The following FLRT2 variants were observed in gnomAD, a reference collection of about 807,000 sequenced individuals.
The protein encoded by FLRT2 is fibronectin leucine rich transmembrane protein 2, also known as leucine-rich repeat transmembrane protein FLRT2.
A neutral mutation model predicts 40.0 loss-of-function variants in FLRT2; 15 were observed. The ratio of observed to expected loss-of-function variants is 0.38; its 90% CI spans 0.25 to 0.58. The LOEUF is 0.58. Ranked by LOEUF, FLRT2 falls within the 20% of genes least tolerant of loss-of-function variation. FLRT2 has a pLI of 0.71. For synonymous variants in FLRT2, 380 were observed against 336.8 expected, an observed-to-expected ratio of 1.13 and a Z score of -1.41; for missense variants, 726 against 840.0, an observed-to-expected ratio of 0.86 and a Z score of 1.68.
chr14:85,625,051 G>A lies in FLRT2; in HGVS notation c.*1554G>A, dbSNP rs189922752. On this transcript the variant is annotated 3_prime_UTR_variant, in exon 2 of 2. Transcript: ENST00000330753. ...TCCCCTAATCCTGGCAGAGCAGGGC[G>A]TAGAAAAGAGAGGATGTCCGTGCTT... is the stretch of plus-strand genomic sequence containing the variant. 1.4e-4 allele frequency: 24 copies of A among 167,142 alleles called. No homozygotes were observed. The highest frequency in any genetic ancestry group is 8.8e-5 in the Non-Finnish European group (6 of 68,108). The allele number at this position is 167,142 out of a possible 1,614,324, so 10.4% of individuals were successfully genotyped here. A position where few individuals can be genotyped will look rare whatever the true frequency, so the allele number is the denominator to read the frequency against.
chr14:85,627,552 T>A lies in FLRT2; in HGVS notation c.*4055T>A, dbSNP rs1893738552. 6.0e-6 allele frequency: 1 copy of A among 166,020 alleles called. No homozygotes were observed. Among genetic ancestry groups the A allele is most frequent in the Admixed American group, 6.6e-5 (1 of 15,110 alleles). 10.3% of individuals were successfully genotyped at this position (166,020 alleles called of 1,614,324 possible). A position where few individuals can be genotyped will look rare whatever the true frequency, so the allele number is the denominator to read the frequency against. On this transcript the variant is annotated 3_prime_UTR_variant, in exon 2 of 2. Coordinates refer to ENST00000330753, the MANE Select transcript of FLRT2 (RefSeq NM_013231.6). ...GGCCATTGCAACAGGCATTTAAAAA[T>A]TATTATCAAACATGCACATGCTTGT...
chr14:85,601,071 C>T (rs1892359904), intron 1 of FLRT2, among the ~76,000 whole-genome samples: 1 of 152,100 alleles, frequency 6.6e-6, no homozygotes, highest in Non-Finnish European at 1.5e-5. Flanking sequence ...ATGAGGGGCA[C>T]AAGCTGAACC....
chr14:85,633,646 A>C lies in FLRT2; in HGVS notation c.*10149A>C, dbSNP rs1190675703. 1 of 151,686 alleles carries C rather than the reference A, an allele frequency of 6.6e-6. No individual in the cohort carries two copies. The highest frequency in any genetic ancestry group is 1.5e-5 in the Non-Finnish European group (1 of 67,946). 9.4% of individuals were successfully genotyped at this position (151,686 alleles called of 1,614,324 possible). On this transcript the variant is annotated 3_prime_UTR_variant, in exon 2 of 2. Transcript: ENST00000330753. ...AGACCCTATCTCTAAAAAAAAAAAAAAAAATTAGCCAGGAGTGGTGGCATG... is the reference window on the plus strand; with the variant it reads ...AGACCCTATCTCTAAAAAAAAAAAACAAAATTAGCCAGGAGTGGTGGCATG...
intron 1 of FLRT2, among the ~76,000 whole-genome samples, chr14:85,588,142 A>T (rs553188504): frequency 2.8e-4 from 42 of 152,266 alleles, no homozygotes; most frequent in African/African-American, 1.0e-3. Flanking sequence ...TCACTATTTG[A>T]GTCCCGAATC....
intron 1 of FLRT2, among the ~76,000 whole-genome samples, chr14:85,585,089 C>A (rs956231536): frequency 3.9e-5 from 6 of 152,094 alleles, no homozygotes; most frequent in African/African-American, 1.4e-4. Flanking sequence ...TCCTGTGTGA[C>A]CTTGAGCTCC....
At chr14:85,531,887 A>T (rs891867790) in intron 1 of FLRT2, among the ~76,000 whole-genome samples, 1 of 152,170 alleles carries the variant, frequency 6.6e-6, no homozygotes, top group African/African-American at 2.4e-5. Context: ...CGCGTGTGTG[A>T]GCGCGTGTGC....
chr14:85,551,426 T>C, intron 1 of FLRT2, among the ~76,000 whole-genome samples: 1 of 152,198 alleles, frequency 6.6e-6, no homozygotes, highest in East Asian at 1.9e-4. Context: ...CCTTCTAGTA[T>C]CTCCTTTTCT....
At chr14:85,569,273 C>CTGAT (rs1890786719) in intron 1 of FLRT2, among the ~76,000 whole-genome samples, 1 of 152,202 alleles carries the variant, frequency 6.6e-6, no homozygotes, top group Non-Finnish European at 1.5e-5. Flanking sequence ...CAGTTGAACA[C>CTGAT]TGATTGTCAA....
intron 1 of FLRT2, among the ~76,000 whole-genome samples, chr14:85,553,864 G>A (rs1377755533): frequency 6.6e-6 from 1 of 152,124 alleles, no homozygotes; most frequent in African/African-American, 2.4e-5. Context: ...TGAGTTTTCA[G>A]GTGTCTTAAA....
intron 1 of FLRT2, among the ~76,000 whole-genome samples, chr14:85,618,519 A>G (rs144598668): frequency 6.6e-6 from 1 of 152,294 alleles, no homozygotes; most frequent in East Asian, 1.9e-4. Flanking sequence ...CCTACTAGGC[A>G]TTAGTACTTG....
In FLRT2 at chr14:85,636,163, T is replaced by C. The variant is rs1222112134; in HGVS notation, c.*12666T>C. 11 of 152,100 alleles carry C rather than the reference T, an allele frequency of 7.2e-5. No individual in the cohort carries two copies. The highest frequency in any genetic ancestry group is 7.2e-4 in the Admixed American group (11 of 15,276). The allele number at this position is 152,100 out of a possible 1,614,324, so 9.4% of individuals were successfully genotyped here. Reference sequence around the variant, plus strand: ...CATTAATTCTGTAAAGGGAATTTAATAAAATGCAAGCAGATTAGTAAAATA... The same window carrying C: ...CATTAATTCTGTAAAGGGAATTTAACAAAATGCAAGCAGATTAGTAAAATA... On this transcript the variant is annotated 3_prime_UTR_variant, in exon 2 of 2. Coordinates refer to ENST00000330753, the MANE Select transcript of FLRT2 (RefSeq NM_013231.6).
chr14:85,613,701 T>C (rs1456684569), intron 1 of FLRT2, among the ~76,000 whole-genome samples: 2 of 152,094 alleles, frequency 1.3e-5, no homozygotes, highest in African/African-American at 2.4e-5. Context: ...TCTGGGGAAA[T>C]AACGGTGAGC....
intron 1 of FLRT2, among the ~76,000 whole-genome samples, chr14:85,547,312 CTTTTCTTTCTTTCT>C (rs1218075362): frequency 7.7e-6 from 1 of 129,876 alleles, no homozygotes; most frequent in Non-Finnish European, 1.6e-5. Flanking sequence ...CTTTGTCTTT[CTTTTCTTTCTTTCT>C]TTTTTTTTTT....
In FLRT2 at chr14:85,643,338, T is replaced by TTCCTTC. The variant is rs760752166; in HGVS notation, c.*19841_*19842insTCCTTC. ...TTCTTTCTTTCTTTCTTTCTTTCTT[T>TTCCTTC]CTTTCTTTCTTTCTTTCTTCCTTCC... is the stretch of plus-strand genomic sequence containing the variant. On this transcript the variant is annotated 3_prime_UTR_variant, in exon 2 of 2. Transcript: ENST00000330753. The TTCCTTC allele has an allele frequency of 5.7e-4, 60 of 104,414 alleles. 1 individual carries two copies. Among genetic ancestry groups the TTCCTTC allele is most frequent in the African/African-American group, 2.2e-3 (57 of 26,106 alleles). The allele number at this position is 104,414 out of a possible 1,614,324, so 6.5% of individuals were successfully genotyped here.
intron 1 of FLRT2, among the ~76,000 whole-genome samples, chr14:85,588,850 C>T (rs1286582622): frequency 6.6e-6 from 1 of 152,154 alleles, no homozygotes; most frequent in Non-Finnish European, 1.5e-5. Context: ...TTAGATTTCA[C>T]AAACAAATGA....
intron 1 of FLRT2, among the ~76,000 whole-genome samples, chr14:85,557,366 C>T (rs951447168): frequency 9.2e-5 from 14 of 151,808 alleles, no homozygotes; most frequent in African/African-American, 9.7e-5. Context: ...CGCACCTAAC[C>T]GAGTATTGAA....
chr14:85,555,202 A>G (rs1241464593), intron 1 of FLRT2, among the ~76,000 whole-genome samples: 1 of 152,232 alleles, frequency 6.6e-6, no homozygotes, highest in East Asian at 1.9e-4. Flanking sequence ...AGCAGTCCTG[A>G]TAACCTTGCT....
intron 1 of FLRT2, among the ~76,000 whole-genome samples, chr14:85,550,976 C>T (rs758846853): frequency 2.0e-5 from 3 of 152,164 alleles, no homozygotes; most frequent in Non-Finnish European, 4.4e-5. Flanking sequence ...TTACCCTATC[C>T]TCCTCCATGA....
intron 1 of FLRT2, among the ~76,000 whole-genome samples, chr14:85,614,248 A>C (rs939461729): frequency 6.6e-6 from 1 of 152,208 alleles, no homozygotes; most frequent in Non-Finnish European, 1.5e-5. Context: ...TCTTGCTCAT[A>C]ACACCTTTTC....
Sources: allele counts gnomAD v4.1 joint callset (sites outside exome capture counted in the v4.1 genomes callset), GRCh38; gene constraint gnomAD v4.1.1; transcripts MANE v1.5; gene names NCBI Gene and HGNC (gene_info 2026-07-23, HGNC 2026-07-21).